Variants in SMYD3 observed in about 807,000 individuals in gnomAD.
SMYD3 encodes the protein SET and MYND domain containing 3.
In SMYD3, 36 loss-of-function variants were observed where a neutral mutation model predicts 57.7. The ratio of observed to expected loss-of-function variants is 0.62; its 90% CI spans 0.48 to 0.82. The LOEUF is 0.82. SMYD3 is among the 40% of genes least tolerant of loss of function. The pLI is 0.00. For synonymous variants in SMYD3, 211 were observed against 195.0 expected, an observed-to-expected ratio of 1.08 and a Z score of -0.68; for missense variants, 515 against 538.8, an observed-to-expected ratio of 0.96 and a Z score of 0.44.
intron 5 of SMYD3, among the ~76,000 whole-genome samples, chr1:246,147,172 C>A (rs1370800629): frequency 1.6e-5 from 2 of 129,006 alleles, no homozygotes; most frequent in Non-Finnish European, 3.8e-5. Context: ...TCACTGTAAA[C>A]AACGCTGCCC....
At chr1:245,977,805 C>T (rs1405186176) in intron 5 of SMYD3, among the ~76,000 whole-genome samples, 1 of 152,236 alleles carries the variant, frequency 6.6e-6, no homozygotes, top group East Asian at 1.9e-4. Flanking sequence ...GTTATTAACA[C>T]CTCTGAAGGT....
chr1:246,035,076 C>T (rs1250609895), intron 5 of SMYD3: 1 of 152,274 alleles, frequency 6.6e-6, no homozygotes, highest in Non-Finnish European at 1.5e-5. Flanking sequence ...TGACCCTACC[C>T]TTCCAGGTCA....
At chr1:246,101,431 A>C (rs867734938) in intron 5 of SMYD3, among the ~76,000 whole-genome samples, 7 of 152,106 alleles carry the variant, frequency 4.6e-5, no homozygotes, top group Admixed American at 6.5e-5. Context: ...CTGTTCCTTC[A>C]ATCTCTGCCA....
At chr1:246,490,001 CTTTTTTTTTTT>C (rs71968916) in intron 1 of SMYD3, among the ~76,000 whole-genome samples, 1 of 92,294 alleles carries the variant, frequency 1.1e-5, no homozygotes. Flanking sequence ...TAATTTTTTC[CTTTTTTTTTTT>C]TTTTTTTTTT....
intron 10 of SMYD3, among the ~76,000 whole-genome samples, chr1:245,795,319 T>C (rs1172429890): frequency 6.6e-6 from 1 of 152,212 alleles, no homozygotes; most frequent in Non-Finnish European, 1.5e-5. Context: ...GCAGTTACTT[T>C]TATCAGCCTC....
intron 5 of SMYD3, among the ~76,000 whole-genome samples, chr1:246,118,447 T>C (rs2061374160): frequency 6.6e-6 from 1 of 152,218 alleles, no homozygotes; most frequent in Non-Finnish European, 1.5e-5. Flanking sequence ...GGAAGTTGCA[T>C]GTGCAGGTAT....
chr1:245,766,497 T>C (rs2046110445), intron 10 of SMYD3, among the ~76,000 whole-genome samples: 1 of 151,600 alleles, frequency 6.6e-6, no homozygotes, highest in African/African-American at 2.4e-5. Context: ...CTCTTCAGTA[T>C]GCCAAGGGGT....
intron 10 of SMYD3, among the ~76,000 whole-genome samples, chr1:245,834,230 G>A (rs940545783): frequency 6.6e-6 from 1 of 151,334 alleles, no homozygotes; most frequent in Admixed American, 6.6e-5. Flanking sequence ...TCACAATTCT[G>A]ATGCATTTAA....
At position 245,787,087 on chromosome 1, in the gene SMYD3, C is replaced by T. The variant is rs75488825; in HGVS notation, c.1077-22938G>A. 4.8e-3 allele frequency among the ~76,000 whole-genome samples: 738 copies of T among 152,326 alleles called. 5 individuals carry two copies. The highest frequency in any genetic ancestry group is 0.017 in the African/African-American group (700 of 41,574). ...GTTCATTAGAGCGGTATCTTTACAA[C>T]GCCTTCTTCCACTTTCATTACTTTT... On this transcript the variant is annotated intron_variant, in intron 10 of 11. Transcript: ENST00000490107.
intron 5 of SMYD3, among the ~76,000 whole-genome samples, chr1:245,950,445 G>A (rs942698756): frequency 1.3e-5 from 2 of 152,168 alleles, no homozygotes; most frequent in African/African-American, 2.4e-5. Flanking sequence ...CAGGATCTGA[G>A]TACAGGTTGT....
chr1:245,990,536 CA>C (rs1392987039), intron 5 of SMYD3, among the ~76,000 whole-genome samples: 1 of 152,216 alleles, frequency 6.6e-6, no homozygotes, highest in Admixed American at 6.5e-5. Flanking sequence ...GTATACAGCA[CA>C]AACTAGGAGT....
In SMYD3 at chr1:246,378,632, C is replaced by T. The variant is rs1019824083; in HGVS notation, c.165-23538G>A. ...ATTGTGTGAGTTAATACTTAATAAT[C>T]TCCCCTTCATATATATATATATACA... is the stretch of plus-strand genomic sequence containing the variant. On this transcript the variant is annotated intron_variant, in intron 1 of 11. Coordinates refer to ENST00000490107, the MANE Select transcript of SMYD3 (RefSeq NM_001167740.2). Among the ~76,000 whole-genome samples the T allele has an allele frequency of 1.0e-4, 12 of 114,698 alleles. 1 individual carries two copies. In the Admixed American group the frequency reaches 1.3e-3, roughly 12 times the overall value. 75.2% of individuals were successfully genotyped at this position (114,698 alleles called of 152,430 possible).
intron 5 of SMYD3, among the ~76,000 whole-genome samples, chr1:245,993,079 T>C (rs1051720012): frequency 2.0e-4 from 30 of 152,128 alleles, no homozygotes; most frequent in African/African-American, 4.1e-4. Context: ...CTTTGGGAGG[T>C]AGAAGGGCTG....
intron 5 of SMYD3, among the ~76,000 whole-genome samples, chr1:246,244,351 T>G (rs1243823079): frequency 6.6e-6 from 1 of 152,106 alleles, no homozygotes; most frequent in Non-Finnish European, 1.5e-5. Flanking sequence ...CTGACTCAAT[T>G]CACTAGAGAG....
At chr1:246,200,265 G>C (rs574335240) in intron 5 of SMYD3, among the ~76,000 whole-genome samples, 2 of 151,158 alleles carry the variant, frequency 1.3e-5, no homozygotes, top group African/African-American at 4.9e-5. Context: ...GTAGAGAACA[G>C]TGTAGACGCT....
chr1:246,436,156 C>G (rs143090090), intron 1 of SMYD3, among the ~76,000 whole-genome samples: 1 of 146,786 alleles, frequency 6.8e-6, no homozygotes, highest in Non-Finnish European at 1.5e-5. Flanking sequence ...TGAAATGTGT[C>G]GGGAGAAAAA....
intron 5 of SMYD3, among the ~76,000 whole-genome samples, chr1:246,214,053 C>G (rs766489523): frequency 2.0e-4 from 31 of 152,120 alleles, no homozygotes; most frequent in Admixed American, 7.2e-4. Flanking sequence ...ATTTTAGGTA[C>G]TGTTCCAGAA....
At position 246,097,332 on chromosome 1, in the gene SMYD3, C is replaced by A. The variant is rs536372123; in HGVS notation, c.532-167395G>T. On this transcript the variant is annotated intron_variant, in intron 5 of 11. Coordinates refer to ENST00000490107, the MANE Select transcript of SMYD3 (RefSeq NM_001167740.2). ...TTCTATGCCTCACTCTGGGTGAATTCAACCGTCTGAAGGGATAGCAAAGTC... is the reference window on the plus strand; with the variant it reads ...TTCTATGCCTCACTCTGGGTGAATTAAACCGTCTGAAGGGATAGCAAAGTC... Among the ~76,000 whole-genome samples, 50 of 152,194 alleles carry A rather than the reference C, an allele frequency of 3.3e-4. 2 individuals are homozygous for A. In the South Asian group the frequency reaches 1.0e-2, roughly 30 times the overall value.
Position 246,202,940 on chromosome 1 carries a change from A to G in SMYD3, c.531+124261T>C, listed in dbSNP as rs1183545133. On this transcript the variant is annotated intron_variant, in intron 5 of 11. Transcript: ENST00000490107. This position sits in a 1 kb window ranked among gnomAD's most constrained non-coding sequence, Gnocchi z 4.1. ...CAGGAGTTCGAGACCAGCCTGGCCA[A>G]TATGGGAAAACCCGTCTCTACTAAA... 6.6e-6 allele frequency among the ~76,000 whole-genome samples: 1 copy of G among 152,088 alleles called. No homozygotes were observed. Among genetic ancestry groups the G allele is most frequent in the Non-Finnish European group, 1.5e-5 (1 of 68,024 alleles).
Sources: allele counts gnomAD v4.1 joint callset (sites outside exome capture counted in the v4.1 genomes callset), GRCh38; gene constraint gnomAD v4.1.1; non-coding constraint Gnocchi (gnomAD v3.1); transcripts MANE v1.5; gene names NCBI Gene and HGNC (gene_info 2026-07-23, HGNC 2026-07-21).